ASTN2: variants seen among roughly 807,000 people sequenced by gnomAD.
ASTN2 encodes the protein astrotactin-2.
In ASTN2, 54 loss-of-function variants were observed where a neutral mutation model predicts 139.8. That is an observed-to-expected ratio of 0.39 (90% confidence interval 0.31 to 0.48). The LOEUF is 0.48. ASTN2 is among the 20% of genes least tolerant of loss of function. ASTN2 has a pLI of 0.95. For synonymous variants in ASTN2, 756 were observed against 719.5 expected (o/e 1.05, Z -0.81); for missense variants, 1,565 against 1,725.1 (o/e 0.91, Z 1.64).
At chr9:116,683,138 C>T (rs969993071) in intron 16 of ASTN2, among the ~76,000 whole-genome samples, 9 of 151,722 alleles carry the variant, frequency 5.9e-5, no homozygotes, top group Non-Finnish European at 1.0e-4. Flanking sequence ...TCCTCTTTAA[C>T]GGATGGTTTT....
At position 116,961,442 on chromosome 9, in the gene ASTN2, G is replaced by A. The variant is rs1297148481; in HGVS notation, c.1889+13766C>T. Among the ~76,000 whole-genome samples, 3 of 152,052 alleles carry A rather than the reference G, an allele frequency of 2.0e-5. No homozygotes were observed. In the East Asian group the frequency reaches 5.8e-4, roughly 29 times the overall value. ...GTTTCTATGATTTTGGCTACTCTAA[G>A]TACCTCATATAAGTGGAATCATACA... On this transcript the variant is annotated intron_variant, in intron 10 of 22. Transcript: ENST00000313400.
intron 3 of ASTN2, among the ~76,000 whole-genome samples, chr9:117,185,368 T>C (rs1217474142): frequency 2.0e-5 from 3 of 151,786 alleles, no homozygotes; most frequent in Non-Finnish European, 2.9e-5. Context: ...AGCCCTGCTC[T>C]GGGCAGATGG....
intron 4 of ASTN2, among the ~76,000 whole-genome samples, chr9:117,129,543 G>C (rs1829781192): frequency 6.6e-6 from 1 of 152,122 alleles, no homozygotes; most frequent in Non-Finnish European, 1.5e-5. Flanking sequence ...TTTGAGGGCA[G>C]AATTTTATAT....
At chr9:117,007,649 T>C (rs906998787) in intron 7 of ASTN2, among the ~76,000 whole-genome samples, 3 of 152,198 alleles carry the variant, frequency 2.0e-5, no homozygotes, top group African/African-American at 7.2e-5. Context: ...AAGAAATACC[T>C]GTTGAGTGAA....
intron 16 of ASTN2, chr9:116,687,126 G>C (rs1860270460): frequency 7.2e-6 from 8 of 1,109,884 alleles, no homozygotes; most frequent in Non-Finnish European, 8.9e-6. Flanking sequence ...CTGCACCAAG[G>C]AGACGGAAAA....
intron 16 of ASTN2, among the ~76,000 whole-genome samples, chr9:116,722,707 G>A (rs1329182025): frequency 6.6e-6 from 1 of 152,154 alleles, no homozygotes; most frequent in Non-Finnish European, 1.5e-5. Context: ...TCTGGAAACT[G>A]TAGAGGGCTG....
chr9:117,097,413 A>C (rs965870411), intron 4 of ASTN2, among the ~76,000 whole-genome samples: 3 of 152,138 alleles, frequency 2.0e-5, no homozygotes, highest in South Asian at 2.1e-4. Context: ...AGGATTAGTA[A>C]ATTATTTACT....
At chr9:116,675,565 T>C (rs867691661) in intron 16 of ASTN2, among the ~76,000 whole-genome samples, 1 of 152,088 alleles carries the variant, frequency 6.6e-6, no homozygotes, top group East Asian at 1.9e-4. Flanking sequence ...GATTCTCAGA[T>C]GGAGAATAGG....
chr9:116,642,846 A>G (rs1190989046), intron 17 of ASTN2, among the ~76,000 whole-genome samples: 6 of 152,150 alleles, frequency 3.9e-5, no homozygotes, highest in Non-Finnish European at 8.8e-5. Context: ...TATGGTTTGC[A>G]CAGCACCCGA....
intron 7 of ASTN2, among the ~76,000 whole-genome samples, chr9:117,007,063 G>A (rs899946050): frequency 1.3e-5 from 2 of 152,158 alleles, no homozygotes; most frequent in Non-Finnish European, 2.9e-5. Flanking sequence ...GTTGCAGTGA[G>A]TCGAGATCAC....
intron 11 of ASTN2, 125 bp from the exon 12 acceptor site, chr9:116,820,908 G>T: frequency 2.9e-6 from 3 of 1,021,982 alleles, no homozygotes; most frequent in Non-Finnish European, 4.1e-6. Flanking sequence ...GTCTCCTTTT[G>T]TCAGTTAATA....
chr9:117,118,347 A>G (rs1436819449), intron 4 of ASTN2, among the ~76,000 whole-genome samples: 2 of 151,890 alleles, frequency 1.3e-5, no homozygotes, highest in African/African-American at 4.8e-5. Flanking sequence ...CATGGTAGTC[A>G]TCACTGATCC....
At chr9:117,108,438 A>AACAC (rs3041147) in intron 4 of ASTN2, among the ~76,000 whole-genome samples, 34,834 of 145,152 alleles carry the variant, frequency 0.24, 4,344 homozygotes, top group African/African-American at 0.3. Flanking sequence ...AACAAAACAA[A>AACAC]ACACACACAC....
intron 7 of ASTN2, among the ~76,000 whole-genome samples, chr9:116,992,102 A>G (rs1258971577): frequency 1.3e-5 from 2 of 152,224 alleles, no homozygotes; most frequent in African/African-American, 4.8e-5. Flanking sequence ...TAATGGCTCA[A>G]GTTTGGAGCT....
intron 2 of ASTN2, among the ~76,000 whole-genome samples, chr9:117,231,868 T>G (rs1889656): frequency 0.46 from 69,524 of 152,002 alleles, 16,121 homozygotes; most frequent in South Asian, 0.59. Context: ...TTGCTCAGAA[T>G]CTTCTTCCTT....
intron 11 of ASTN2, among the ~76,000 whole-genome samples, chr9:116,854,247 C>G (rs1832681685): frequency 6.6e-6 from 1 of 152,136 alleles, no homozygotes; most frequent in African/African-American, 2.4e-5. Flanking sequence ...CATACTCAAC[C>G]CTGCATGAGA....
intron 3 of ASTN2, among the ~76,000 whole-genome samples, chr9:117,157,788 T>A (rs4281173): frequency 0.5 from 75,222 of 151,760 alleles, 19,325 homozygotes; most frequent in East Asian, 0.68. Flanking sequence ...AATGACCCCA[T>A]CGTGATGAGG....
At chr9:117,149,687 T>C (rs1016589080) in intron 3 of ASTN2, among the ~76,000 whole-genome samples, 1 of 152,170 alleles carries the variant, frequency 6.6e-6, no homozygotes, top group African/African-American at 2.4e-5. Flanking sequence ...TATTCCATCT[T>C]ATATAGGAGT....
At chr9:117,393,915 C>A (rs62562122) in intron 1 of ASTN2, among the ~76,000 whole-genome samples, 7,650 of 152,138 alleles carry the variant, frequency 0.05, 272 homozygotes, top group Non-Finnish European at 0.079. Context: ...AGAACAGGCC[C>A]ATCAAGGGTC....
Sources: allele counts gnomAD v4.1 joint callset (sites outside exome capture counted in the v4.1 genomes callset), GRCh38; gene constraint gnomAD v4.1.1; transcripts MANE v1.5; gene names NCBI Gene and HGNC (gene_info 2026-07-23, HGNC 2026-07-21).